MGAT5: variants seen among roughly 807,000 people sequenced by gnomAD.
The protein encoded by MGAT5 is alpha-1,6-mannosylglycoprotein 6-beta-N-acetylglucosaminyltransferase A.
In MGAT5, 30 loss-of-function variants were observed where a neutral mutation model predicts 94.3. The ratio of observed to expected loss-of-function variants is 0.32; its 90% CI spans 0.24 to 0.43. The LOEUF is 0.43. Ranked by LOEUF, MGAT5 falls within the 20% of genes least tolerant of loss-of-function variation. MGAT5 has a pLI of 1.00. For missense variants in MGAT5, 691 were observed against 905.5 expected (o/e 0.76, Z 3.04); for synonymous variants, 310 against 322.9 (o/e 0.96, Z 0.43).
chr2:134,372,769 C>A (rs1448578899), intron 10 of MGAT5, among the ~76,000 whole-genome samples: 1 of 152,208 alleles, frequency 6.6e-6, no homozygotes, highest in African/African-American at 2.4e-5. Flanking sequence ...TTGCTTATTG[C>A]GTGGGTGGCT....
intron 10 of MGAT5, among the ~76,000 whole-genome samples, chr2:134,397,211 T>C (rs1682762591): frequency 6.6e-6 from 1 of 152,054 alleles, no homozygotes; most frequent in Non-Finnish European, 1.5e-5. Flanking sequence ...GGAGGATGGG[T>C]TGAAGGAATG....
intron 2 of MGAT5, among the ~76,000 whole-genome samples, chr2:134,295,525 A>G (rs1685620277): frequency 6.6e-6 from 1 of 152,158 alleles, no homozygotes; most frequent in African/African-American, 2.4e-5. Context: ...ATTCTCAGTC[A>G]TAATTTTAGT....
At chr2:134,321,175 T>C (rs1687293005) in intron 4 of MGAT5, among the ~76,000 whole-genome samples, 1 of 152,180 alleles carries the variant, frequency 6.6e-6, no homozygotes. Flanking sequence ...ACCTTCACTC[T>C]AGTTGAAAAG....
intron 1 of MGAT5, among the ~76,000 whole-genome samples, chr2:134,187,086 G>A (rs562035136): frequency 1.3e-5 from 2 of 152,314 alleles, no homozygotes; most frequent in South Asian, 2.1e-4. Context: ...TAGCTTGAGG[G>A]CCGTGTGGGT....
At chr2:134,151,560 A>G (rs1225576492) in intron 1 of MGAT5, among the ~76,000 whole-genome samples, 5 of 117,456 alleles carry the variant, frequency 4.3e-5, no homozygotes, top group African/African-American at 3.4e-5. Flanking sequence ...TGTGGGACCC[A>G]CTCACTGCCA....
chr2:134,286,049 C>A (rs1011030862), intron 2 of MGAT5, among the ~76,000 whole-genome samples: 27 of 152,236 alleles, frequency 1.8e-4, no homozygotes, highest in African/African-American at 6.5e-4. Context: ...TTAATTAGGA[C>A]AATATTTACT....
chr2:134,377,926 A>G (rs1164159951), intron 10 of MGAT5, among the ~76,000 whole-genome samples: 1 of 152,142 alleles, frequency 6.6e-6, no homozygotes, highest in Non-Finnish European at 1.5e-5. Context: ...GCAGTTCTCA[A>G]CAGAGTCCAC....
intron 1 of MGAT5, among the ~76,000 whole-genome samples, chr2:134,229,280 G>A (rs1214635032): frequency 3.3e-5 from 5 of 152,218 alleles, no homozygotes; most frequent in Admixed American, 3.3e-4. Context: ...ATAGGAAAGT[G>A]ATAGTAATGG....
intron 4 of MGAT5, among the ~76,000 whole-genome samples, chr2:134,330,581 G>GTGTGTGTATA (rs56795876): frequency 1.8e-4 from 25 of 137,190 alleles, no homozygotes; most frequent in South Asian, 7.1e-4. Context: ...GTGTGTGTGT[G>GTGTGTGTATA]TGTTACGAAG....
intron 11 of MGAT5, among the ~76,000 whole-genome samples, chr2:134,404,609 C>G (rs1388222379): frequency 6.6e-6 from 1 of 152,176 alleles, no homozygotes; most frequent in Non-Finnish European, 1.5e-5. Context: ...TGGACACCCA[C>G]TAGCCAAAAG....
chr2:134,374,007 TA>T (rs1249811115), intron 10 of MGAT5, among the ~76,000 whole-genome samples: 2 of 152,210 alleles, frequency 1.3e-5, no homozygotes, highest in African/African-American at 2.4e-5. Flanking sequence ...AACCATTGTT[TA>T]AAACATCAGC....
At chr2:134,269,053 G>A (rs770597823) in intron 1 of MGAT5, among the ~76,000 whole-genome samples, 10 of 152,108 alleles carry the variant, frequency 6.6e-5, no homozygotes, top group Non-Finnish European at 1.2e-4. Context: ...TCTGTAAAAC[G>A]GAGTCACATC....
intron 10 of MGAT5, among the ~76,000 whole-genome samples, chr2:134,401,482 A>G (rs972366959): frequency 1.3e-5 from 2 of 152,088 alleles, no homozygotes; most frequent in Admixed American, 6.5e-5. Context: ...TGGGCAGGTC[A>G]GCAGCCAGCA....
At chr2:134,135,960 G>A (rs1344413396) in intron 1 of MGAT5, among the ~76,000 whole-genome samples, 1 of 152,158 alleles carries the variant, frequency 6.6e-6, no homozygotes. Context: ...ACTGCACAAG[G>A]TTTCAGGGAA....
chr2:134,304,776 A>G (rs927444977), intron 2 of MGAT5, among the ~76,000 whole-genome samples: 1 of 152,148 alleles, frequency 6.6e-6, no homozygotes, highest in Non-Finnish European at 1.5e-5. Flanking sequence ...ATGTCTTGCT[A>G]TGTTGCCCAG....
intron 1 of MGAT5, among the ~76,000 whole-genome samples, chr2:134,237,127 G>GTA (rs796916298): frequency 0.077 from 10,804 of 139,774 alleles, 572 homozygotes; most frequent in East Asian, 0.31. Context: ...GAGTATATGT[G>GTA]TGTGTGTGTG....
intron 12 of MGAT5, among the ~76,000 whole-genome samples, chr2:134,415,335 C>T (rs1267584385): frequency 1.3e-5 from 2 of 152,164 alleles, no homozygotes; most frequent in African/African-American, 4.8e-5. Flanking sequence ...GTGATATCTC[C>T]TTGTGGTTTC....
chr2:134,369,551 A>T (rs1680649395), intron 10 of MGAT5, among the ~76,000 whole-genome samples: 1 of 152,242 alleles, frequency 6.6e-6, no homozygotes, highest in African/African-American at 2.4e-5. Context: ...TGACTTCAAA[A>T]TAAGAGGAGC....
chr2:134,357,590 G>T (rs1679826885), intron 9 of MGAT5, among the ~76,000 whole-genome samples: 1 of 152,106 alleles, frequency 6.6e-6, no homozygotes. Flanking sequence ...TTCCATTTTG[G>T]CCTTTAACTT....
Sources: gnomAD v4.1 joint callset for allele counts (sites outside exome capture counted in the v4.1 genomes callset) on GRCh38, gnomAD v4.1.1 for gene constraint, MANE v1.5 for transcripts, NCBI Gene and HGNC (gene_info 2026-07-23, HGNC 2026-07-21) for gene names.